The following THADA variants were observed in gnomAD, a reference collection of about 807,000 sequenced individuals.
THADA encodes the protein tRNA (32-2'-O)-methyltransferase regulator THADA.
A neutral mutation model predicts 219.8 loss-of-function variants in THADA; 213 were observed. That is an observed-to-expected ratio of 0.97 (90% CI 0.87 to 1.09). The LOEUF is 1.09. Ranked by LOEUF, THADA falls within the 50% of genes least tolerant of loss-of-function variation. THADA has a pLI of 0.00. For synonymous variants in THADA, 1,018 were observed against 828.9 expected (o/e 1.23, Z -3.92); for missense variants, 2,956 against 2,311.3 (o/e 1.28, Z -5.72).
chr2:43,574,812 A>T lies in THADA; in HGVS notation c.1253T>A (p.Leu418His). 6.2e-7 allele frequency: 1 copy of T among 1,614,030 alleles called. No homozygotes were observed. Among genetic ancestry groups the T allele is most frequent in the Non-Finnish European group, 8.5e-7 (1 of 1,179,902 alleles). Residue 418 changes from leucine (L) to histidine (H), a missense_variant, in exon 11 of 38, where the codon CTT (leucine) becomes CAT (histidine). Leu to His is a moderately conservative substitution (Grantham distance 99, BLOSUM62 -3). Transcript: ENST00000405975. ...RHQTKIMFKN[L>H]LQMHRLTVEG... ...CACAGTGAGCCGGTGCATTTGGAGAAGGTTTTTGAACATGATTTTGGTTTG... is the reference window on the plus strand; with the variant it reads ...CACAGTGAGCCGGTGCATTTGGAGATGGTTTTTGAACATGATTTTGGTTTG...
intron 26 of THADA, among the ~76,000 whole-genome samples, chr2:43,463,573 C>T (rs1683883504): frequency 6.6e-6 from 1 of 152,038 alleles, no homozygotes; most frequent in Non-Finnish European, 1.5e-5. Flanking sequence ...ATTTTAGAAT[C>T]GTGCAGTATA....
chr2:43,312,255 T>G (rs1677602786), intron 31 of THADA, among the ~76,000 whole-genome samples: 1 of 151,642 alleles, frequency 6.6e-6, no homozygotes, highest in Admixed American at 6.6e-5. Context: ...ACCCTAGTTG[T>G]TGACTAGAAC....
intron 36 of THADA, among the ~76,000 whole-genome samples, chr2:43,239,055 G>C (rs1370937090): frequency 6.6e-6 from 1 of 152,184 alleles, no homozygotes; most frequent in African/African-American, 2.4e-5. Context: ...TCATGTCTGT[G>C]GTAGGCCTAC....
At chr2:43,519,450 G>C (rs1431898317) in intron 22 of THADA, among the ~76,000 whole-genome samples, 2 of 152,092 alleles carry the variant, frequency 1.3e-5, no homozygotes, top group African/African-American at 2.4e-5. Context: ...CATTCCCTGG[G>C]TTATATAGAG....
At chr2:43,339,007 A>G (rs4372955) in intron 30 of THADA, among the ~76,000 whole-genome samples, 25,150 of 152,158 alleles carry the variant, frequency 0.17, 2,565 homozygotes, top group African/African-American at 0.28. Flanking sequence ...TGAAAAAAGG[A>G]AGGAAGCTAT....
intron 7 of THADA, among the ~76,000 whole-genome samples, chr2:43,586,002 C>T (rs967842152): frequency 6.6e-6 from 1 of 151,980 alleles, no homozygotes; most frequent in Admixed American, 6.6e-5. Context: ...TAGTGACTAA[C>T]GCCTGTAATC....
chr2:43,562,902 A>C (rs936305386), intron 15 of THADA: 4 of 152,230 alleles, frequency 2.6e-5, no homozygotes, highest in Admixed American at 2.6e-4. Flanking sequence ...TATTTCTGCA[A>C]ACTTAATAGA....
chr2:43,515,406 CTA>C (rs949968471), intron 22 of THADA, among the ~76,000 whole-genome samples: 6 of 77,788 alleles, frequency 7.7e-5, no homozygotes, highest in African/African-American at 2.9e-4. Context: ...TATATATAAA[CTA>C]TATATACACA....
intron 29 of THADA, among the ~76,000 whole-genome samples, chr2:43,360,641 T>C (rs987265763): frequency 1.3e-5 from 2 of 152,220 alleles, no homozygotes; most frequent in Admixed American, 1.3e-4. Flanking sequence ...GTTAAGTTTA[T>C]TTGTTGAGTC....
intron 31 of THADA, among the ~76,000 whole-genome samples, chr2:43,313,021 G>A (rs758681232): frequency 6.6e-6 from 1 of 152,168 alleles, no homozygotes; most frequent in Non-Finnish European, 1.5e-5. Context: ...TTCATTCTCT[G>A]TAACTGTTCA....
intron 15 of THADA, among the ~76,000 whole-genome samples, chr2:43,561,053 T>C (rs1363067369): frequency 1.4e-5 from 2 of 144,746 alleles, no homozygotes; most frequent in Admixed American, 1.4e-4. Context: ...AGTCCTACCA[T>C]ATCTTAGAGT....
chr2:43,534,895 T>C (rs760052493), intron 21 of THADA, among the ~76,000 whole-genome samples: 12 of 152,148 alleles, frequency 7.9e-5, no homozygotes, highest in Non-Finnish European at 1.6e-4. Context: ...GGTATTTCTA[T>C]GTGTAGTTTT....
chr2:43,521,868 C>T (rs1451062904), intron 22 of THADA, among the ~76,000 whole-genome samples: 1 of 152,224 alleles, frequency 6.6e-6, no homozygotes, highest in Non-Finnish European at 1.5e-5. Flanking sequence ...ACCAATAAAT[C>T]CGATTCCCTG....
Position 43,358,732 on chromosome 2 carries a change from C to T in THADA, c.4228-14495G>A, listed in dbSNP as rs565612640. ...AACTGGACTTAACTGTACCTAAAGG[C>T]CCCAAAACCTGAGTGGGCCTGAGAC... On this transcript the variant is annotated intron_variant, in intron 29 of 37. Coordinates refer to ENST00000405975, the MANE Select transcript of THADA (RefSeq NM_022065.5). Among the ~76,000 whole-genome samples the T allele has an allele frequency of 8.4e-4, 128 of 152,290 alleles. 1 individual carries two copies. The highest frequency in any genetic ancestry group is 3.4e-3 in the Middle Eastern group (1 of 294).
intron 22 of THADA, among the ~76,000 whole-genome samples, chr2:43,511,058 T>C (rs957489314): frequency 6.6e-6 from 1 of 152,022 alleles, no homozygotes; most frequent in Non-Finnish European, 1.5e-5. Context: ...GCTGGAATTA[T>C]AGAGGTGAAT....
At chr2:43,332,832 G>A (rs899647503) in intron 30 of THADA, among the ~76,000 whole-genome samples, 5 of 152,304 alleles carry the variant, frequency 3.3e-5, no homozygotes, top group African/African-American at 1.2e-4. Context: ...GGTTAGGTTT[G>A]CAGATTTCTA....
intron 26 of THADA, among the ~76,000 whole-genome samples, chr2:43,465,927 C>G (rs529033243): frequency 2.6e-5 from 4 of 152,182 alleles, no homozygotes; most frequent in South Asian, 4.1e-4. Context: ...CTGTAAATGG[C>G]ACCATGAGCC....
chr2:43,249,423 A>C (rs900073207), intron 36 of THADA, among the ~76,000 whole-genome samples: 2 of 152,254 alleles, frequency 1.3e-5, no homozygotes, highest in East Asian at 3.9e-4. Flanking sequence ...CCTTGCTTCC[A>C]GTCTTGTCTA....
intron 31 of THADA, among the ~76,000 whole-genome samples, chr2:43,304,947 C>T (rs1347560494): frequency 3.3e-5 from 5 of 152,202 alleles, no homozygotes; most frequent in Non-Finnish European, 1.5e-5. Flanking sequence ...GCTGGGATTA[C>T]AGGCATGAGC....
Sources: gnomAD v4.1 joint callset for allele counts (sites outside exome capture counted in the v4.1 genomes callset) on GRCh38, gnomAD v4.1.1 for gene constraint, MANE v1.5 for transcripts, NCBI Gene and HGNC (gene_info 2026-07-23, HGNC 2026-07-21) for gene names.